Variants in BTBD9 observed in about 807,000 individuals in gnomAD.
The protein encoded by BTBD9 is BTB/POZ domain-containing protein 9.
BTBD9 carries 49 observed loss-of-function variants against 64.3 expected under a neutral mutation model. The ratio of observed to expected loss-of-function variants is 0.76; its 90% CI spans 0.61 to 0.97. The LOEUF (loss-of-function observed/expected upper bound fraction) is 0.97. BTBD9 is among the 50% of genes least tolerant of loss of function. The pLI, the probability that BTBD9 is intolerant of heterozygous loss-of-function variation, is 0.00. For synonymous variants in BTBD9, 260 were observed against 274.7 expected, an observed-to-expected ratio of 0.95 and a Z score of 0.53; for missense variants, 598 against 762.1, an observed-to-expected ratio of 0.78 and a Z score of 2.53.
intron 6 of BTBD9, among the ~76,000 whole-genome samples, chr6:38,544,504 T>A (rs988320594): frequency 9.9e-5 from 15 of 152,010 alleles, no homozygotes; most frequent in African/African-American, 3.6e-4. Context: ...TGAAAGGGTG[T>A]CATCTGAGGA....
At chr6:38,416,988 G>A (rs1321599323) in intron 6 of BTBD9, among the ~76,000 whole-genome samples, 1 of 152,188 alleles carries the variant, frequency 6.6e-6, no homozygotes, top group African/African-American at 2.4e-5. Flanking sequence ...CCAGGCTGGA[G>A]TGCAGTGGTG....
chr6:38,302,895 T>G (rs1183572008), intron 7 of BTBD9, among the ~76,000 whole-genome samples: 1 of 152,162 alleles, frequency 6.6e-6, no homozygotes, highest in African/African-American at 2.4e-5. Context: ...CCCTGATTAG[T>G]GATGCTGAGT....
intron 9 of BTBD9, among the ~76,000 whole-genome samples, chr6:38,212,412 A>AC (rs1762865208): frequency 6.6e-6 from 1 of 152,206 alleles, no homozygotes; most frequent in African/African-American, 2.4e-5. Context: ...AGGGGGTGAC[A>AC]CAGGACTATG....
At chr6:38,237,517 G>T (rs1310020251) in intron 9 of BTBD9, among the ~76,000 whole-genome samples, 1 of 152,134 alleles carries the variant, frequency 6.6e-6, no homozygotes, top group Non-Finnish European at 1.5e-5. Context: ...GGAAGTACCA[G>T]GGCTCCCATC....
intron 5 of BTBD9, among the ~76,000 whole-genome samples, chr6:38,578,333 C>T (rs1776144504): frequency 6.6e-6 from 1 of 152,172 alleles, no homozygotes; most frequent in Admixed American, 6.5e-5. Flanking sequence ...TAAAACTTGC[C>T]AGCTGATAAT....
chr6:38,524,571 C>T (rs530820763), intron 6 of BTBD9, among the ~76,000 whole-genome samples: 29 of 152,214 alleles, frequency 1.9e-4, no homozygotes, highest in African/African-American at 6.5e-4. Context: ...GAACTGTAGT[C>T]CAGTAAGTCC....
At chr6:38,222,927 A>G (rs1466643560) in intron 9 of BTBD9, among the ~76,000 whole-genome samples, 1 of 152,076 alleles carries the variant, frequency 6.6e-6, no homozygotes, top group African/African-American at 2.4e-5. Flanking sequence ...ATTTTTTAAG[A>G]TGGAGTTTTG....
At chr6:38,615,615 G>A (rs1020797280) in intron 1 of BTBD9, among the ~76,000 whole-genome samples, 4 of 152,072 alleles carry the variant, frequency 2.6e-5, no homozygotes, top group Non-Finnish European at 5.9e-5. Flanking sequence ...TCACCATTCA[G>A]GTCTTGGCTC....
intron 6 of BTBD9, among the ~76,000 whole-genome samples, chr6:38,382,856 G>A (rs1765997388): frequency 6.6e-6 from 1 of 152,126 alleles, no homozygotes; most frequent in Non-Finnish European, 1.5e-5. Flanking sequence ...CCAACTCAAT[G>A]AGAAATAGAA....
chr6:38,347,654 C>T (rs1166172297), intron 6 of BTBD9, among the ~76,000 whole-genome samples: 6 of 152,136 alleles, frequency 3.9e-5, no homozygotes, highest in African/African-American at 1.4e-4. Context: ...TGGCAAAAGG[C>T]TTCAATTAAT....
chr6:38,471,663 G>T (rs566878030), intron 6 of BTBD9, among the ~76,000 whole-genome samples: 12 of 152,162 alleles, frequency 7.9e-5, no homozygotes, highest in African/African-American at 2.9e-4. Context: ...GGGATTACAG[G>T]TATGAGCCAC....
At position 38,168,500 on chromosome 6, in the gene BTBD9, A is replaced by G. The variant is rs944865144; in HGVS notation, c.*6485T>C. 5.3e-5 allele frequency: 8 copies of G among 150,892 alleles called. No individual in the cohort carries two copies. Among genetic ancestry groups the G allele is most frequent in the African/African-American group, 2.0e-4 (8 of 40,090 alleles). The allele number at this position is 150,892 out of a possible 1,614,324, so 9.3% of individuals were successfully genotyped here. On this transcript the variant is annotated 3_prime_UTR_variant, in exon 11 of 11. Coordinates refer to ENST00000481247, the MANE Select transcript of BTBD9 (RefSeq NM_001099272.2). ...TCTAAGAGAAAACCTGCATTTTCAC[A>G]CACATGGACTCAGGGGTTTCGAACA... is the stretch of plus-strand genomic sequence containing the variant.
rs78045178 is a variant in BTBD9 at position 38,218,844 on chromosome 6, T to C, written c.1563-26247A>G. Among the ~76,000 whole-genome samples, 438 of 152,348 alleles carry C rather than the reference T, an allele frequency of 2.9e-3. 2 individuals are homozygous for C. Among genetic ancestry groups the C allele is most frequent in the African/African-American group, 8.6e-3 (356 of 41,592 alleles). On this transcript the variant is annotated intron_variant, in intron 9 of 10. Transcript: ENST00000481247. ...ACTATATATTTCTCAGGCATAAAAA[T>C]TGAATGACAATTTCTAGTTCTACAT...
intron 6 of BTBD9, among the ~76,000 whole-genome samples, chr6:38,424,464 C>T (rs978171564): frequency 6.6e-6 from 1 of 151,830 alleles, no homozygotes; most frequent in African/African-American, 2.4e-5. Flanking sequence ...GATCTCTCAA[C>T]CTACTAGGTG....
intron 1 of BTBD9, among the ~76,000 whole-genome samples, chr6:38,605,130 T>A (rs1282211335): frequency 1.6e-4 from 25 of 151,618 alleles, no homozygotes; most frequent in Admixed American, 1.6e-3. Context: ...CACTGCAACC[T>A]CCACTTCCTG....
chr6:38,194,388 A>T (rs1762203577), intron 9 of BTBD9, among the ~76,000 whole-genome samples: 1 of 152,244 alleles, frequency 6.6e-6, no homozygotes. Context: ...CCACGCCTCC[A>T]GAAAGAGAAA....
At chr6:38,413,032 A>C (rs1159902818) in intron 6 of BTBD9, among the ~76,000 whole-genome samples, 1 of 152,160 alleles carries the variant, frequency 6.6e-6, no homozygotes, top group African/African-American at 2.4e-5. Flanking sequence ...CCAACCGCCT[A>C]ACCCTTAGGA....
At chr6:38,457,538 T>C (rs1200559939) in intron 6 of BTBD9, among the ~76,000 whole-genome samples, 4 of 151,804 alleles carry the variant, frequency 2.6e-5, no homozygotes, top group African/African-American at 4.8e-5. Flanking sequence ...GACTAAAAAA[T>C]AGGATGGATA....
intron 8 of BTBD9, among the ~76,000 whole-genome samples, chr6:38,275,777 G>A (rs1761211618): frequency 6.6e-6 from 1 of 152,122 alleles, no homozygotes; most frequent in Non-Finnish European, 1.5e-5. Context: ...TCAGAGAAAT[G>A]CAAATCAAAA....
Sources: allele counts gnomAD v4.1 joint callset (sites outside exome capture counted in the v4.1 genomes callset), GRCh38; gene constraint gnomAD v4.1.1; transcripts MANE v1.5; gene names NCBI Gene and HGNC (gene_info 2026-07-23, HGNC 2026-07-21).